The following STK32B variants were observed in gnomAD, a reference collection of about 807,000 sequenced individuals.
STK32B encodes serine/threonine kinase 32B.
A neutral mutation model predicts 52.6 loss-of-function variants in STK32B; 43 were observed. The observed-to-expected ratio is 0.82, with a 90% CI of 0.64 to 1.05. The LOEUF is 1.05. Among genes scored for constraint, STK32B ranks in the 50% least tolerant of loss-of-function variants. The probability of loss-of-function intolerance (pLI) is 0.00; values close to 1 mark genes in which losing one functional copy is unlikely to be tolerated. For missense variants in STK32B, 621 were observed against 534.6 expected, an observed-to-expected ratio of 1.16 and a Z score of -1.59; for synonymous variants, 238 against 204.3, an observed-to-expected ratio of 1.17 and a Z score of -1.41.
At chr4:5,314,035 C>A (rs1377416031) in intron 3 of STK32B, among the ~76,000 whole-genome samples, 1 of 151,794 alleles carries the variant, frequency 6.6e-6, no homozygotes, top group Non-Finnish European at 1.5e-5. Flanking sequence ...CTATGAAAGT[C>A]CAAGAAAAGT....
Position 5,380,712 on chromosome 4 carries a change from T to C in STK32B, c.435-17495T>C, listed in dbSNP as rs1158833289. Among the ~76,000 whole-genome samples the C allele has an allele frequency of 6.6e-6, 1 of 152,222 alleles. No homozygotes were observed. Among genetic ancestry groups the C allele is most frequent in the African/African-American group, 2.4e-5 (1 of 41,458 alleles). On this transcript the variant is annotated intron_variant, in intron 4 of 11. Transcript: ENST00000282908. The surrounding 1 kb of genome is among the most constrained non-coding windows in gnomAD (Gnocchi z 4.3). ...CTTGCCATCGTGAAATCCTTAAAGC[T>C]TTGAACAAAGGGCCCTGCATTTTCT... is the stretch of plus-strand genomic sequence containing the variant.
chr4:5,106,561 A>G (rs1320557094), intron 1 of STK32B, among the ~76,000 whole-genome samples: 1 of 152,204 alleles, frequency 6.6e-6, no homozygotes, highest in African/African-American at 2.4e-5. Flanking sequence ...AATAAAATAA[A>G]TAATAGTTAC....
chr4:5,435,418 C>T (rs1190415517), intron 6 of STK32B, among the ~76,000 whole-genome samples: 1 of 152,106 alleles, frequency 6.6e-6, no homozygotes, highest in Middle Eastern at 3.2e-3. Context: ...GTCCTCAGTC[C>T]CAGCCTTTTC....
intron 3 of STK32B, among the ~76,000 whole-genome samples, chr4:5,241,167 A>C (rs375939900): frequency 2.0e-5 from 3 of 152,116 alleles, no homozygotes; most frequent in African/African-American, 7.2e-5. Flanking sequence ...TGGCAATCCC[A>C]GCTTGTTCCT....
intron 3 of STK32B, among the ~76,000 whole-genome samples, chr4:5,207,871 T>C (rs1057296017): frequency 2.0e-5 from 3 of 151,936 alleles, no homozygotes; most frequent in African/African-American, 7.2e-5. Flanking sequence ...ACATTTCAGT[T>C]TATTACTTTT....
chr4:5,253,901 C>T (rs1560263199), intron 3 of STK32B, among the ~76,000 whole-genome samples: 1 of 152,202 alleles, frequency 6.6e-6, no homozygotes, highest in Non-Finnish European at 1.5e-5. Flanking sequence ...TGCCAGGCAA[C>T]AGGCCCCAGA....
intron 3 of STK32B, among the ~76,000 whole-genome samples, chr4:5,330,905 A>G (rs1443517795): frequency 2.0e-5 from 3 of 152,196 alleles, no homozygotes; most frequent in African/African-American, 7.2e-5. Context: ...AGCACCTGCT[A>G]AAAACGGATG....
chr4:5,358,464 C>T (rs541013516), intron 4 of STK32B, among the ~76,000 whole-genome samples: 9 of 152,182 alleles, frequency 5.9e-5, no homozygotes, highest in Non-Finnish European at 7.3e-5. Flanking sequence ...CTCCCTCCAG[C>T]TCTGAATCTC....
At chr4:5,030,461 T>C in the STK32B span, among the ~76,000 whole-genome samples, 2 of 152,230 alleles carry the variant, frequency 1.3e-5, no homozygotes, top group South Asian at 4.1e-4. Flanking sequence ...TCTGCCATGC[T>C]GTCATATCCT....
chr4:5,241,460 T>A (rs1725018234), intron 3 of STK32B, among the ~76,000 whole-genome samples: 1 of 152,218 alleles, frequency 6.6e-6, no homozygotes, highest in Admixed American at 6.5e-5. Flanking sequence ...GAGGGCAACT[T>A]TACATAAATT....
chr4:5,299,673 G>A (rs1334084422), intron 3 of STK32B, among the ~76,000 whole-genome samples: 1 of 152,092 alleles, frequency 6.6e-6, no homozygotes, highest in African/African-American at 2.4e-5. Flanking sequence ...CTGTAGCCTT[G>A]TGCTATAGTT....
intron 1 of STK32B, among the ~76,000 whole-genome samples, chr4:5,116,761 A>C (rs916852184): frequency 6.6e-6 from 1 of 151,974 alleles, no homozygotes; most frequent in Non-Finnish European, 1.5e-5. Flanking sequence ...AACAGTATTG[A>C]CTCTTCCAAT....
At chr4:5,048,691 G>A (rs1461396784), upstream of STK32B, among the ~76,000 whole-genome samples, 3 of 152,242 alleles carry the variant, frequency 2.0e-5, no homozygotes, top group Non-Finnish European at 4.4e-5. Context: ...GCCTCCCAAA[G>A]TGCTGGGATT....
At position 5,172,463 on chromosome 4, in the gene STK32B, A is replaced by G. The variant is rs1719466487; in HGVS notation, c.260+4013A>G. 5.3e-5 allele frequency among the ~76,000 whole-genome samples: 8 copies of G among 151,562 alleles called. No homozygotes were observed. The South Asian group carries it at 1.7e-3, about 32-fold the overall frequency. On this transcript the variant is annotated intron_variant, in intron 3 of 11. Coordinates refer to ENST00000282908, the MANE Select transcript of STK32B (RefSeq NM_018401.3). ...TGTGGGTTTGTCATAGATAGCTCTTATTATTTTGAGATATGTCCCATCAAT... is the reference window on the plus strand; with the variant it reads ...TGTGGGTTTGTCATAGATAGCTCTTGTTATTTTGAGATATGTCCCATCAAT...
intron 3 of STK32B, among the ~76,000 whole-genome samples, chr4:5,200,391 C>T (rs1722040972): frequency 6.6e-6 from 1 of 151,898 alleles, no homozygotes. Flanking sequence ...GCTGAACTGG[C>T]CGAGATATAC....
At chr4:5,208,544 A>C (rs950668615) in intron 3 of STK32B, among the ~76,000 whole-genome samples, 1 of 152,246 alleles carries the variant, frequency 6.6e-6, no homozygotes, top group African/African-American at 2.4e-5. Context: ...TAGTCCTGGC[A>C]AAACTAAATG....
intron 3 of STK32B, among the ~76,000 whole-genome samples, chr4:5,248,794 A>C (rs1725656772): frequency 6.6e-6 from 1 of 152,178 alleles, no homozygotes; most frequent in Non-Finnish European, 1.5e-5. Flanking sequence ...ATGAAGCTGG[A>C]AAGCATAATT....
intron 1 of STK32B, among the ~76,000 whole-genome samples, chr4:5,096,611 G>A (rs1713411928): frequency 1.3e-5 from 2 of 152,174 alleles, no homozygotes; most frequent in Non-Finnish European, 2.9e-5. Flanking sequence ...TTTGGTCAGC[G>A]ACAACCTTAG....
intron 3 of STK32B, among the ~76,000 whole-genome samples, chr4:5,259,977 T>C (rs1382401588): frequency 1.3e-5 from 2 of 151,776 alleles, no homozygotes; most frequent in Non-Finnish European, 2.9e-5. Context: ...AGCATAAGTG[T>C]GCAGAGCTAG....
Sources: gnomAD v4.1 joint callset for allele counts (sites outside exome capture counted in the v4.1 genomes callset) on GRCh38, gnomAD v4.1.1 for gene constraint, Gnocchi (gnomAD v3.1) non-coding constraint, MANE v1.5 for transcripts, NCBI Gene and HGNC (gene_info 2026-07-23, HGNC 2026-07-21) for gene names.